The following EPHB1 variants were observed in gnomAD, a reference collection of about 807,000 sequenced individuals.
EPHB1 encodes the protein ephrin type-B receptor 1.
EPHB1 carries 30 observed loss-of-function variants against 94.4 expected under a neutral mutation model. The ratio of observed to expected loss-of-function variants is 0.32; its 90% CI spans 0.24 to 0.43. EPHB1 has a LOEUF of 0.43. Among genes scored for constraint, EPHB1 ranks in the 20% least tolerant of loss-of-function variants. The pLI, the probability that EPHB1 is intolerant of heterozygous loss-of-function variation, is 1.00. For missense variants in EPHB1, 1,055 were observed against 1,308.3 expected, an observed-to-expected ratio of 0.81 and a Z score of 2.99; for synonymous variants, 522 against 489.1, an observed-to-expected ratio of 1.07 and a Z score of -0.89.
intron 3 of EPHB1, among the ~76,000 whole-genome samples, chr3:134,997,969 T>C (rs996212345): frequency 2.0e-5 from 3 of 152,206 alleles, no homozygotes; most frequent in Non-Finnish European, 1.5e-5. Context: ...ATTCTAGGAC[T>C]CCATTTCTGC....
At chr3:135,131,990 C>T (rs1014787184) in intron 4 of EPHB1, among the ~76,000 whole-genome samples, 1 of 152,138 alleles carries the variant, frequency 6.6e-6, no homozygotes, top group African/African-American at 2.4e-5. Context: ...ATTATTTTAT[C>T]TTCCTGGTAG....
intron 9 of EPHB1, among the ~76,000 whole-genome samples, chr3:135,179,090 C>T (rs1014128136): frequency 1.2e-4 from 19 of 152,098 alleles, no homozygotes; most frequent in African/African-American, 3.9e-4. Flanking sequence ...ACTTTGTCCC[C>T]ATGCACACCT....
intron 3 of EPHB1, among the ~76,000 whole-genome samples, chr3:135,050,912 T>TTGTGTGTGTGTGTG (rs61632320): frequency 7.4e-5 from 11 of 147,942 alleles, no homozygotes; most frequent in African/African-American, 2.5e-4. Flanking sequence ...TAAACACCCT[T>TTGTGTGTGTGTGTG]TGTGTGTGTG....
At chr3:135,094,406 C>T (rs773944450) in intron 3 of EPHB1, among the ~76,000 whole-genome samples, 2 of 152,116 alleles carry the variant, frequency 1.3e-5, no homozygotes, top group Non-Finnish European at 2.9e-5. Context: ...TCCAGAATGT[C>T]GGGTGTCTGT....
At chr3:134,863,348 G>T (rs1445043164) in intron 1 of EPHB1, among the ~76,000 whole-genome samples, 2 of 152,212 alleles carry the variant, frequency 1.3e-5, no homozygotes, top group African/African-American at 2.4e-5. Context: ...CTTTGTAGAA[G>T]TCAAGAGTTT....
chr3:135,019,093 G>A (rs751224697), intron 3 of EPHB1, among the ~76,000 whole-genome samples: 1 of 152,068 alleles, frequency 6.6e-6, no homozygotes, highest in African/African-American at 2.4e-5. Flanking sequence ...GGAGCTCTGC[G>A]TGCCCCACTC....
At chr3:135,111,736 G>A (rs1173746196) in intron 4 of EPHB1, among the ~76,000 whole-genome samples, 1 of 152,138 alleles carries the variant, frequency 6.6e-6, no homozygotes, top group East Asian at 1.9e-4. Context: ...CTGGACTGCA[G>A]TGGCGTGATC....
At chr3:135,184,607 G>A (rs544938396) in intron 10 of EPHB1, among the ~76,000 whole-genome samples, 1 of 152,248 alleles carries the variant, frequency 6.6e-6, no homozygotes, top group African/African-American at 2.4e-5. Flanking sequence ...TCCTTGGAGG[G>A]AGAACATGGC....
chr3:135,085,779 A>T (rs1053271234), intron 3 of EPHB1, among the ~76,000 whole-genome samples: 2 of 152,126 alleles, frequency 1.3e-5, no homozygotes, highest in Admixed American at 1.3e-4. Flanking sequence ...CCATCTCAGC[A>T]TATTATTAAC....
intron 2 of EPHB1, among the ~76,000 whole-genome samples, chr3:134,941,745 G>GCACACAGACACA (rs1201145160): frequency 1.5e-4 from 14 of 92,718 alleles, no homozygotes; most frequent in South Asian, 1.1e-3. Context: ...CTTTACATAT[G>GCACACAGACACA]CACACAGACA....
intron 3 of EPHB1, among the ~76,000 whole-genome samples, chr3:135,025,165 C>CTTTT (rs747024011): frequency 3.7e-5 from 3 of 80,712 alleles, no homozygotes; most frequent in South Asian, 5.5e-4. Flanking sequence ...TTCCTTCTTT[C>CTTTT]TTTTTTTTTT....
chr3:134,852,877 G>T (rs930286227), intron 1 of EPHB1, among the ~76,000 whole-genome samples: 4 of 152,168 alleles, frequency 2.6e-5, no homozygotes, highest in African/African-American at 7.2e-5. Flanking sequence ...CCAGGTTGGG[G>T]TATCTGAGCC....
intron 1 of EPHB1, among the ~76,000 whole-genome samples, chr3:134,816,308 G>GA (rs1486454905): frequency 4.6e-5 from 7 of 151,956 alleles, no homozygotes; most frequent in Non-Finnish European, 1.0e-4. Context: ...TGGCCAGGCT[G>GA]GTTTCGAACT....
intron 4 of EPHB1, among the ~76,000 whole-genome samples, chr3:135,111,460 C>G (rs1939438678): frequency 6.6e-6 from 1 of 152,128 alleles, no homozygotes; most frequent in African/African-American, 2.4e-5. Context: ...TTCTCACAGA[C>G]TGGAACCACA....
chr3:135,258,761 A>G (rs1052131200), intron 15 of EPHB1, among the ~76,000 whole-genome samples: 1 of 152,206 alleles, frequency 6.6e-6, no homozygotes, highest in African/African-American at 2.4e-5. Context: ...GCCCGTACAT[A>G]AGGAACACAC....
At chr3:135,105,809 C>T (rs751941722) in intron 3 of EPHB1, among the ~76,000 whole-genome samples, 1 of 152,148 alleles carries the variant, frequency 6.6e-6, no homozygotes, top group Admixed American at 6.5e-5. Context: ...CCCCCGGAAG[C>T]ATATCAAAAT....
chr3:134,913,721 A>T lies in EPHB1; in HGVS notation c.59-12095A>T, dbSNP rs556875017. Among the ~76,000 whole-genome samples, 236 of 152,260 alleles carry T rather than the reference A, an allele frequency of 1.5e-3. 2 individuals carry two copies. The highest frequency in any genetic ancestry group is 5.4e-3 in the African/African-American group (226 of 41,556). ...CAATGCTGGGAGCACTGGGTTTGGA[A>T]TGTGGCCCTGTTCATCCAGAGCAGA... is the stretch of plus-strand genomic sequence containing the variant. On this transcript the variant is annotated intron_variant, in intron 1 of 15. Transcript: ENST00000398015.
chr3:135,176,658 G>T (rs1371313276), intron 9 of EPHB1, among the ~76,000 whole-genome samples: 1 of 152,170 alleles, frequency 6.6e-6, no homozygotes, highest in Non-Finnish European at 1.5e-5. Flanking sequence ...CGCATTACTG[G>T]CCCAAAAGAA....
intron 11 of EPHB1, among the ~76,000 whole-genome samples, chr3:135,198,203 A>T (rs912562781): frequency 6.6e-6 from 1 of 152,200 alleles, no homozygotes; most frequent in Admixed American, 6.5e-5. Context: ...TTACCAGTTG[A>T]TCGGAGATGG....
Sources: allele counts gnomAD v4.1 joint callset (sites outside exome capture counted in the v4.1 genomes callset), GRCh38; gene constraint gnomAD v4.1.1; transcripts MANE v1.5; gene names NCBI Gene and HGNC (gene_info 2026-07-23, HGNC 2026-07-21).